The following PEBP4 variants were observed in gnomAD, a reference collection of about 807,000 sequenced individuals.
PEBP4 encodes the protein phosphatidylethanolamine binding protein 4.
Under a neutral mutation model 23.9 loss-of-function variants are expected in PEBP4, and 22 were observed. The observed-to-expected ratio is 0.92, with a 90% CI of 0.66 to 1.31. The LOEUF is 1.31. Ranked by LOEUF, PEBP4 falls within the 40% of genes most tolerant of loss-of-function variation. The pLI is 0.00. For missense variants in PEBP4, 324 were observed against 281.7 expected (o/e 1.15, Z -1.07); for synonymous variants, 112 against 99.3 (o/e 1.13, Z -0.76).
chr8:22,757,861 C>G (rs951888024), intron 4 of PEBP4: 2 of 152,238 alleles, frequency 1.3e-5, no homozygotes, highest in African/African-American at 4.8e-5. Flanking sequence ...ACCTCCTACC[C>G]GGCCACCTGC....
chr8:22,722,501 A>T (rs550458720), intron 6 of PEBP4, among the ~76,000 whole-genome samples: 1 of 152,370 alleles, frequency 6.6e-6, no homozygotes, highest in South Asian at 2.1e-4. Flanking sequence ...AGGGAAAGGT[A>T]TGACAGGAAG....
At chr8:22,917,233 C>T (rs1276162766) in intron 3 of PEBP4, among the ~76,000 whole-genome samples, 3 of 152,242 alleles carry the variant, frequency 2.0e-5, no homozygotes, top group Middle Eastern at 6.8e-3. Context: ...GTCACCAACT[C>T]GTGCCCTTCT....
chr8:22,833,546 A>G (rs1260268311), intron 3 of PEBP4, among the ~76,000 whole-genome samples: 2 of 152,094 alleles, frequency 1.3e-5, no homozygotes, highest in East Asian at 3.9e-4. Flanking sequence ...TGGCCAGGCT[A>G]GCCTCGAACT....
intron 4 of PEBP4, among the ~76,000 whole-genome samples, chr8:22,735,778 G>A (rs984793747): frequency 1.3e-5 from 2 of 152,238 alleles, no homozygotes; most frequent in Non-Finnish European, 2.9e-5. Flanking sequence ...GGATGCTGCT[G>A]AATTTTGTCA....
intron 3 of PEBP4, among the ~76,000 whole-genome samples, chr8:22,910,748 T>C (rs1808920417): frequency 6.6e-6 from 1 of 152,190 alleles, no homozygotes; most frequent in Admixed American, 6.5e-5. Context: ...TACAACATTC[T>C]GGAGAAGGCA....
intron 3 of PEBP4, among the ~76,000 whole-genome samples, chr8:22,875,321 C>CT (rs201197300): frequency 0.011 from 1,650 of 152,180 alleles, 22 homozygotes; most frequent in Non-Finnish European, 0.018. Flanking sequence ...CCCCTTTCTT[C>CT]TTTTTTTAAC....
chr8:22,936,718 T>C (rs941728137), intron 1 of PEBP4, among the ~76,000 whole-genome samples: 3 of 152,118 alleles, frequency 2.0e-5, no homozygotes, highest in Admixed American at 6.5e-5. Context: ...AATATTAGCA[T>C]AGATAATTCA....
upstream of PEBP4, among the ~76,000 whole-genome samples, chr8:22,932,543 C>CACACA (rs1563266474): frequency 1.2e-4 from 18 of 151,736 alleles, no homozygotes; most frequent in African/African-American, 4.4e-4. Context: ...ACACACACAC[C>CACACA]CCCAGAGAGA....
chr8:22,724,599 C>A lies in PEBP4; in HGVS notation c.517+244G>T, dbSNP rs1261760409. 2.0e-5 allele frequency among the ~76,000 whole-genome samples: 3 copies of A among 152,140 alleles called. No homozygotes were observed. The South Asian group carries it at 6.2e-4, about 32-fold the overall frequency. On this transcript the variant is annotated intron_variant, in intron 6 of 6. Transcript: ENST00000256404. ...TGCTTTGAGACCCTGCCTTACATAC[C>A]AACCCACCCAACTGGAGCCTCTACA...
At chr8:22,924,820 G>T (rs923178993) in intron 2 of PEBP4, 7 of 985,190 alleles carry the variant, frequency 7.1e-6, no homozygotes, top group African/African-American at 1.7e-5. Context: ...GGTTTTGCTG[G>T]TCTTGTCTGG....
In PEBP4 at chr8:22,878,675, C is replaced by T. The variant is rs188626664; in HGVS notation, c.258+41509G>A. ...CTGCTACTGGCCAGCCTGAGCAAGT[C>T]GGCAGAGCACAGGATCTCCAAACAG... On this transcript the variant is annotated intron_variant, in intron 3 of 6. Coordinates refer to ENST00000256404, the MANE Select transcript of PEBP4 (RefSeq NM_144962.3). Among the ~76,000 whole-genome samples the T allele has an allele frequency of 2.4e-4, 36 of 152,282 alleles. No homozygotes were observed. The East Asian group carries it at 6.0e-3, about 25-fold the overall frequency.
intron 2 of PEBP4, chr8:22,924,550 G>C (rs766090855): frequency 1.8e-6 from 1 of 567,546 alleles, no homozygotes; most frequent in South Asian, 7.7e-5. Flanking sequence ...TCGTGGATCC[G>C]CACTACAACA....
chr8:22,875,748 C>T (rs765849312), intron 3 of PEBP4, among the ~76,000 whole-genome samples: 1 of 152,048 alleles, frequency 6.6e-6, no homozygotes, highest in Non-Finnish European at 1.5e-5. Flanking sequence ...TCACCCAGCA[C>T]GTCACCCACC....
At chr8:22,885,427 A>T (rs945271941) in intron 3 of PEBP4, 4 of 152,336 alleles carry the variant, frequency 2.6e-5, no homozygotes, top group African/African-American at 9.7e-5. Flanking sequence ...GACCAAGTAC[A>T]AGCAGCAGGC....
intron 3 of PEBP4, among the ~76,000 whole-genome samples, chr8:22,835,708 AG>A (rs1807189368): frequency 6.6e-6 from 1 of 152,228 alleles, no homozygotes; most frequent in Non-Finnish European, 1.5e-5. Flanking sequence ...GGTACAGCTT[AG>A]GTTGTTAGAA....
intron 3 of PEBP4, among the ~76,000 whole-genome samples, chr8:22,846,273 A>C (rs542411205): frequency 6.6e-6 from 1 of 152,288 alleles, no homozygotes; most frequent in African/African-American, 2.4e-5. Context: ...CCCGGGCCCC[A>C]GAGTTCTGGT....
At chr8:22,727,288 G>T in intron 4 of PEBP4, 68 bp from the exon 5 acceptor site, 1 of 1,491,446 alleles carries the variant, frequency 6.7e-7, no homozygotes, top group Non-Finnish European at 9.3e-7. Flanking sequence ...TGGGCTCTGC[G>T]GGATTGCTTC....
intron 4 of PEBP4, among the ~76,000 whole-genome samples, chr8:22,812,216 G>A (rs1046927212): frequency 7.2e-5 from 11 of 152,192 alleles, no homozygotes; most frequent in Non-Finnish European, 1.5e-4. Flanking sequence ...AAGCACAGGT[G>A]TCCTGGCATG....
In PEBP4 at chr8:22,776,843, C is replaced by T. The variant is rs557148694; in HGVS notation, c.357+40794G>A. Among the ~76,000 whole-genome samples, 66 of 150,478 alleles carry T rather than the reference C, an allele frequency of 4.4e-4. No individual in the cohort carries two copies. The South Asian group carries it at 8.0e-3, about 18-fold the overall frequency. ...AGCTGACTCCTCCTCTTCAGAGCAG[C>T]GCTGAAGTGAAGCCTGCGGAGCTGG... On this transcript the variant is annotated intron_variant, in intron 4 of 6. Coordinates refer to ENST00000256404, the MANE Select transcript of PEBP4 (RefSeq NM_144962.3).
Sources: gnomAD v4.1 joint callset for allele counts (sites outside exome capture counted in the v4.1 genomes callset) on GRCh38, gnomAD v4.1.1 for gene constraint, MANE v1.5 for transcripts, NCBI Gene and HGNC (gene_info 2026-07-23, HGNC 2026-07-21) for gene names.